Variants in CDH13 observed in about 807,000 individuals in gnomAD.
CDH13 encodes cadherin 13.
A neutral mutation model predicts 63.8 loss-of-function variants in CDH13; 24 were observed. The observed-to-expected ratio is 0.38, with a 90% CI of 0.27 to 0.53. CDH13 has a LOEUF of 0.53. Among genes scored for constraint, CDH13 ranks in the 20% least tolerant of loss-of-function variants. The probability of loss-of-function intolerance (pLI) is 0.85; values close to 1 mark genes in which losing one functional copy is unlikely to be tolerated. For missense variants in CDH13, 1,049 were observed against 903.1 expected (o/e 1.16, Z -2.07); for synonymous variants, 503 against 355.3 (o/e 1.42, Z -4.67).
At chr16:83,053,155 A>G (rs1253983286) in intron 3 of CDH13, among the ~76,000 whole-genome samples, 1 of 152,238 alleles carries the variant, frequency 6.6e-6, no homozygotes, top group Non-Finnish European at 1.5e-5. Flanking sequence ...TAAGAATTAA[A>G]TAATATCATC....
intron 1 of CDH13, among the ~76,000 whole-genome samples, chr16:82,777,363 T>G (rs2151107288): frequency 6.6e-6 from 1 of 152,316 alleles, no homozygotes; most frequent in East Asian, 1.9e-4. Flanking sequence ...TATAGAAAAC[T>G]AAACCCAGTT....
At chr16:83,148,527 C>T (rs2036846295) in intron 4 of CDH13, among the ~76,000 whole-genome samples, 1 of 152,212 alleles carries the variant, frequency 6.6e-6, no homozygotes, top group South Asian at 2.1e-4. Flanking sequence ...CGTAATGCCT[C>T]TGTGCCTCAT....
At chr16:83,692,055 C>T (rs1904951363) in intron 10 of CDH13, among the ~76,000 whole-genome samples, 1 of 152,286 alleles carries the variant, frequency 6.6e-6, no homozygotes, top group Non-Finnish European at 1.5e-5. Context: ...AAATGTGACT[C>T]AATGACAGCC....
chr16:83,298,486 C>G (rs1368107015), intron 5 of CDH13, among the ~76,000 whole-genome samples: 1 of 152,180 alleles, frequency 6.6e-6, no homozygotes, highest in African/African-American at 2.4e-5. Flanking sequence ...AAAATAATCT[C>G]TCACAGAGAG....
chr16:82,939,236 C>A (rs1381326239), intron 2 of CDH13, among the ~76,000 whole-genome samples: 1 of 152,100 alleles, frequency 6.6e-6, no homozygotes, highest in Non-Finnish European at 1.5e-5. Context: ...TCAGCCTGGG[C>A]AACATGGTGA....
intron 6 of CDH13, among the ~76,000 whole-genome samples, chr16:83,369,338 A>G (rs4782779): frequency 0.58 from 88,129 of 151,806 alleles, 26,756 homozygotes; most frequent in East Asian, 0.81. Flanking sequence ...ACCATCTCTC[A>G]TCATTCTTGA....
At chr16:83,371,630 A>T (rs1465668128) in intron 6 of CDH13, among the ~76,000 whole-genome samples, 1 of 152,240 alleles carries the variant, frequency 6.6e-6, no homozygotes, top group Non-Finnish European at 1.5e-5. Context: ...CTTAGAAGTA[A>T]GTTAAATTTC....
chr16:83,439,937 A>T (rs2072434628), intron 6 of CDH13, among the ~76,000 whole-genome samples: 1 of 152,232 alleles, frequency 6.6e-6, no homozygotes, highest in Admixed American at 6.5e-5. Flanking sequence ...AACAAAACTT[A>T]GTAACTTGGG....
intron 2 of CDH13, among the ~76,000 whole-genome samples, chr16:82,970,651 G>A (rs7206068): frequency 0.16 from 18,710 of 120,270 alleles, 2,693 homozygotes; most frequent in African/African-American, 0.2. Context: ...CACCCGCCTC[G>A]GCCTCCCAAA....
intron 1 of CDH13, among the ~76,000 whole-genome samples, chr16:82,630,943 C>G (rs1478856596): frequency 6.6e-6 from 1 of 152,196 alleles, no homozygotes; most frequent in East Asian, 1.9e-4. Flanking sequence ...ATCTACAGCT[C>G]ATTTTAAAGA....
chr16:83,039,951 A>G (rs540238592), intron 3 of CDH13, among the ~76,000 whole-genome samples: 47 of 152,010 alleles, frequency 3.1e-4, no homozygotes, highest in African/African-American at 9.4e-4. Flanking sequence ...CCAGCTGGCT[A>G]GGTGTTCTTT....
intron 1 of CDH13, among the ~76,000 whole-genome samples, chr16:82,757,150 T>C (rs918139941): frequency 9.2e-5 from 14 of 152,166 alleles, no homozygotes; most frequent in African/African-American, 2.7e-4. Flanking sequence ...TGCTGTATTG[T>C]ATCCTATCTA....
intron 11 of CDH13, among the ~76,000 whole-genome samples, chr16:83,772,505 A>G (rs1914826681): frequency 6.6e-6 from 1 of 152,246 alleles, no homozygotes; most frequent in Non-Finnish European, 1.5e-5. Flanking sequence ...CACTGAATAT[A>G]GGTCAGCAGA....
intron 4 of CDH13, among the ~76,000 whole-genome samples, chr16:83,133,820 T>C (rs2036160893): frequency 6.6e-6 from 1 of 152,184 alleles, no homozygotes; most frequent in South Asian, 2.1e-4. Flanking sequence ...ACTTGATCTC[T>C]TTTATACATT....
chr16:83,082,244 C>G (rs1186166977), intron 3 of CDH13, among the ~76,000 whole-genome samples: 1 of 152,222 alleles, frequency 6.6e-6, no homozygotes, highest in African/African-American at 2.4e-5. Context: ...GTCTTTCTCA[C>G]ATGCAAAATG....
chr16:83,191,542 T>TGC (rs2038713955), intron 4 of CDH13, among the ~76,000 whole-genome samples: 2 of 139,444 alleles, frequency 1.4e-5, no homozygotes, highest in Admixed American at 7.3e-5. Context: ...TATATATATA[T>TGC]ATATATATAT....
At chr16:83,366,357 T>G (rs370257662) in intron 6 of CDH13, among the ~76,000 whole-genome samples, 1 of 152,238 alleles carries the variant, frequency 6.6e-6, no homozygotes, top group East Asian at 1.9e-4. Context: ...TTGGTATGCG[T>G]GCGATGCCAC....
intron 5 of CDH13, among the ~76,000 whole-genome samples, chr16:83,327,035 G>A (rs2090379098): frequency 6.6e-6 from 1 of 152,254 alleles, no homozygotes; most frequent in Non-Finnish European, 1.5e-5. Context: ...AGCTAGGGTT[G>A]TAAGAATGGC....
intron 7 of CDH13, among the ~76,000 whole-genome samples, chr16:83,512,393 G>T (rs1409742556): frequency 7.0e-6 from 1 of 143,478 alleles, no homozygotes; most frequent in Non-Finnish European, 1.5e-5. Context: ...AGGAAGGGCT[G>T]GGCGTGGTGG....
Sources: gnomAD v4.1 joint callset for allele counts (sites outside exome capture counted in the v4.1 genomes callset) on GRCh38, gnomAD v4.1.1 for gene constraint, MANE v1.5 for transcripts, NCBI Gene and HGNC (gene_info 2026-07-23, HGNC 2026-07-21) for gene names.